The following CA10 variants were observed in gnomAD, a reference collection of about 807,000 sequenced individuals.
CA10 encodes the protein carbonic anhydrase-related protein 10.
In CA10, 14 loss-of-function variants were observed where a neutral mutation model predicts 44.2. The ratio of observed to expected loss-of-function variants is 0.32; its 90% confidence interval spans 0.21 to 0.50. CA10 has a LOEUF of 0.50. Ranked by LOEUF, CA10 falls within the 20% of genes least tolerant of loss-of-function variation. The pLI is 0.99. For synonymous variants in CA10, 159 were observed against 141.6 expected, an observed-to-expected ratio of 1.12 and a Z score of -0.87; for missense variants, 350 against 409.7, an observed-to-expected ratio of 0.85 and a Z score of 1.26.
chr17:51,884,374 T>G (rs1980506900), intron 3 of CA10, among the ~76,000 whole-genome samples: 1 of 152,142 alleles, frequency 6.6e-6, no homozygotes, highest in South Asian at 2.1e-4. Flanking sequence ...TGCCCTCTAC[T>G]CCTCCACTCT....
Position 51,631,559 on chromosome 17 carries a change from G to GTGGGATTCTTCT in CA10, c.*13_*24dup. The GTGGGATTCTTCT allele has an allele frequency of 6.2e-7, 1 of 1,603,384 alleles. No individual in the cohort carries two copies. Among genetic ancestry groups the GTGGGATTCTTCT allele is most frequent in the Non-Finnish European group, 8.5e-7 (1 of 1,170,478 alleles). ...TTCACAGTTGTAGCATTTCACTGAG[G>GTGGGATTCTTCT]TGGGATTCTTCTTGGCTTTGTTCCC... On this transcript the variant is annotated 3_prime_UTR_variant, in exon 9 of 9. Coordinates refer to ENST00000451037, the MANE Select transcript of CA10 (RefSeq NM_020178.5).
chr17:51,761,421 T>TA (rs1905213784), intron 3 of CA10: 2 of 152,166 alleles, frequency 1.3e-5, no homozygotes, highest in Non-Finnish European at 2.9e-5. Context: ...ATTATCTAAA[T>TA]TATAAACCTC....
chr17:51,998,898 C>T (rs535080398), intron 2 of CA10, among the ~76,000 whole-genome samples: 1 of 152,144 alleles, frequency 6.6e-6, no homozygotes, highest in East Asian at 1.9e-4. Context: ...ATTTCTTCCA[C>T]TTCACATAAA....
At chr17:51,916,684 A>C (rs911332743) in intron 3 of CA10, among the ~76,000 whole-genome samples, 4 of 152,148 alleles carry the variant, frequency 2.6e-5, no homozygotes, top group Non-Finnish European at 5.9e-5. Context: ...GTATATCTTT[A>C]TCAGCAGTAT....
At chr17:52,016,809 A>T (rs1985982665) in intron 2 of CA10, among the ~76,000 whole-genome samples, 1 of 152,142 alleles carries the variant, frequency 6.6e-6, no homozygotes, top group South Asian at 2.1e-4. Context: ...GCTACTCAGG[A>T]GGCTGAGGTG....
intron 4 of CA10, among the ~76,000 whole-genome samples, chr17:51,715,221 T>A (rs1430805210): frequency 6.7e-6 from 1 of 150,360 alleles, no homozygotes; most frequent in Non-Finnish European, 1.5e-5. Flanking sequence ...TGTTGTGGGG[T>A]GGGGGGTGGA....
chr17:51,919,843 G>A (rs991642661), intron 3 of CA10, among the ~76,000 whole-genome samples: 7 of 152,038 alleles, frequency 4.6e-5, no homozygotes, highest in South Asian at 2.1e-4. Flanking sequence ...TAGTAGAGAC[G>A]GGGTTTCACC....
intron 2 of CA10, among the ~76,000 whole-genome samples, chr17:51,954,305 T>C (rs966573223): frequency 1.2e-4 from 18 of 152,200 alleles, no homozygotes; most frequent in African/African-American, 4.3e-4. Context: ...AAAAAGTTCA[T>C]TTACTTCCAT....
At chr17:51,802,565 GA>G (rs754344655) in intron 3 of CA10, among the ~76,000 whole-genome samples, 3,319 of 90,634 alleles carry the variant, frequency 0.037, 37 homozygotes, top group Middle Eastern at 0.095. Flanking sequence ...CCTGATGTCT[GA>G]AAAAAAAAAA....
chr17:51,648,421 T>C (rs1913425745), intron 6 of CA10, among the ~76,000 whole-genome samples: 1 of 152,226 alleles, frequency 6.6e-6, no homozygotes, highest in Admixed American at 6.5e-5. Flanking sequence ...AGGAAACTCC[T>C]TGATGAAGGA....
chr17:51,935,066 GT>G (rs1452527702), intron 2 of CA10, among the ~76,000 whole-genome samples: 3 of 152,070 alleles, frequency 2.0e-5, no homozygotes, highest in Non-Finnish European at 2.9e-5. Context: ...TGCCCTGTGG[GT>G]TTGTGCAGAA....
chr17:52,083,540 G>C (rs1219667151), intron 1 of CA10, among the ~76,000 whole-genome samples: 1 of 152,086 alleles, frequency 6.6e-6, no homozygotes, highest in African/African-American at 2.4e-5. Flanking sequence ...TACTCCTTAA[G>C]GAATTTCCCA....
chr17:52,154,869 G>C (rs1332596639), intron 1 of CA10, among the ~76,000 whole-genome samples: 1 of 152,146 alleles, frequency 6.6e-6, no homozygotes, highest in Non-Finnish European at 1.5e-5. Context: ...CAAATTATTA[G>C]TGCAGAACCA....
At chr17:51,800,718 A>G (rs1029431828) in intron 3 of CA10, among the ~76,000 whole-genome samples, 2 of 152,210 alleles carry the variant, frequency 1.3e-5, no homozygotes, top group Non-Finnish European at 1.5e-5. Flanking sequence ...GAAGATGTTA[A>G]AATATGGAAA....
chr17:51,983,698 C>T (rs1383847218), intron 2 of CA10, among the ~76,000 whole-genome samples: 5 of 151,516 alleles, frequency 3.3e-5, no homozygotes, highest in Non-Finnish European at 5.9e-5. Context: ...GCATAAAAAA[C>T]ACTATAATTA....
At chr17:52,142,488 T>TA (rs1316356208) in intron 1 of CA10, among the ~76,000 whole-genome samples, 8 of 152,190 alleles carry the variant, frequency 5.3e-5, no homozygotes, top group East Asian at 1.9e-4. Flanking sequence ...ATAATGCTTA[T>TA]AAAAAATCAC....
intron 2 of CA10, among the ~76,000 whole-genome samples, chr17:52,050,742 T>C (rs1473535877): frequency 1.3e-5 from 2 of 152,044 alleles, no homozygotes; most frequent in African/African-American, 2.4e-5. Context: ...AAATTCTACT[T>C]AACCTTCAGG....
chr17:51,635,806 T>C, intron 7 of CA10, 49 bp downstream of exon 7: 1 of 1,431,648 alleles, frequency 7.0e-7, no homozygotes, highest in Middle Eastern at 1.8e-4. Flanking sequence ...AGTGATTTTT[T>C]TTTAACATCA....
In CA10 at chr17:51,672,816, C is replaced by G. The variant is rs139977893; in HGVS notation, c.466-19080G>C. Among the ~76,000 whole-genome samples, 4 of 152,298 alleles carry G rather than the reference C, an allele frequency of 2.6e-5. 1 individual carries two copies. The East Asian group carries it at 7.7e-4, about 29-fold the overall frequency. On this transcript the variant is annotated intron_variant, in intron 4 of 8. Transcript: ENST00000451037. ...TGAATTGAACATAAATGAATTCTAC[C>G]AGCCCAGATCCCTCACCCTGCCAGT... is the stretch of plus-strand genomic sequence containing the variant.
Sources: allele counts gnomAD v4.1 joint callset (sites outside exome capture counted in the v4.1 genomes callset), GRCh38; gene constraint gnomAD v4.1.1; transcripts MANE v1.5; gene names NCBI Gene and HGNC (gene_info 2026-07-23, HGNC 2026-07-21).